IDE: variants seen among roughly 807,000 people sequenced by gnomAD.
The protein encoded by IDE is insulin degrading enzyme.
IDE carries 58 observed loss-of-function variants against 133.2 expected under a neutral mutation model. The observed-to-expected ratio is 0.44, with a 90% CI of 0.35 to 0.54. The LOEUF is 0.54. IDE is among the 20% of genes least tolerant of loss of function. IDE has a pLI of 0.00. For missense variants in IDE, 981 were observed against 1,234.0 expected (o/e 0.79, Z 3.07); for synonymous variants, 396 against 421.3 (o/e 0.94, Z 0.73).
intron 14 of IDE, among the ~76,000 whole-genome samples, chr10:92,482,317 T>C (rs1165149483): frequency 1.3e-5 from 2 of 152,162 alleles, no homozygotes; most frequent in African/African-American, 2.4e-5. Context: ...AAGTAAAATC[T>C]GAAACAGGTG....
At chr10:92,573,877 T>C in intron 1 of IDE, 45 bp downstream of exon 1, 1 of 1,337,892 alleles carries the variant, frequency 7.5e-7, no homozygotes, top group Non-Finnish European at 9.9e-7. Flanking sequence ...GCCAAACCGC[T>C]GTGACCCACG....
intron 13 of IDE, 151 bp from the exon 14 acceptor site, chr10:92,483,488 A>C: frequency 1.7e-6 from 1 of 603,378 alleles, no homozygotes; most frequent in Admixed American, 2.9e-5. Flanking sequence ...CATACTCAAG[A>C]GTCAGCAGGT....
intron 6 of IDE, 130 bp downstream of exon 6, chr10:92,509,920 C>CTA: frequency 2.2e-6 from 1 of 463,732 alleles, no homozygotes; most frequent in South Asian, 2.5e-5. Flanking sequence ...GACTCTGTTT[C>CTA]CAAAAAAAAA....
intron 15 of IDE, among the ~76,000 whole-genome samples, chr10:92,478,996 A>G (rs1846438526): frequency 6.6e-6 from 1 of 152,196 alleles, no homozygotes; most frequent in East Asian, 1.9e-4. Context: ...GGTAAGAGCT[A>G]AACCTAAATC....
intron 17 of IDE, among the ~76,000 whole-genome samples, chr10:92,470,822 C>T (rs2135374780): frequency 6.6e-6 from 1 of 152,324 alleles, no homozygotes; most frequent in Admixed American, 6.5e-5. Context: ...ATGCGCCTTT[C>T]TCACTGCATT....
At chr10:92,547,816 G>A (rs146532315) in intron 1 of IDE, among the ~76,000 whole-genome samples, 112 of 152,262 alleles carry the variant, frequency 7.4e-4, no homozygotes, top group African/African-American at 2.6e-3. Context: ...TCCAGCCCGT[G>A]TTTGGTAATT....
chr10:92,491,737 A>T (rs892823128), intron 11 of IDE, among the ~76,000 whole-genome samples: 2 of 151,968 alleles, frequency 1.3e-5, no homozygotes, highest in East Asian at 3.9e-4. Flanking sequence ...CAGCCTCCCA[A>T]GTAGCTGGGA....
intron 1 of IDE, among the ~76,000 whole-genome samples, chr10:92,571,875 T>C (rs12252447): frequency 0.082 from 12,461 of 152,266 alleles, 1,732 homozygotes; most frequent in African/African-American, 0.28. Context: ...TCCGACTATG[T>C]ACAGTAGGGC....
intron 19 of IDE, 34 bp from the exon 20 acceptor site, chr10:92,465,877 A>G (rs1359974995): frequency 1.2e-5 from 19 of 1,602,926 alleles, no homozygotes; most frequent in Non-Finnish European, 1.5e-5. Flanking sequence ...AGCAAGTTCA[A>G]AAACTTATTT....
Position 92,468,968 on chromosome 10 carries a change from A to T in IDE, c.2231T>A (p.Met744Lys). The part of the protein sequence containing the change: ...TKQAALGIMQ[M>K]VEDTLIEHAH... ...ATGTTCAATGAGGGTGTCTTCAACCATCTGCATAATTCCTAATGCAGCCTA... is the reference window on the plus strand; with the variant it reads ...ATGTTCAATGAGGGTGTCTTCAACCTTCTGCATAATTCCTAATGCAGCCTA... Residue 744 changes from methionine to lysine, a missense_variant, in exon 19 of 25, where the codon ATG becomes AAG. Physicochemically the swap from Met to Lys is moderately conservative, Grantham distance 95 (BLOSUM62 -1). Around this residue, in one of 2 missense-constraint regions of IDE, gnomAD observed 660 missense variants for 894.7 expected, o/e 0.74. Transcript: ENST00000265986. 6.2e-7 allele frequency: 1 copy of T among 1,605,710 alleles called. No homozygotes were observed. The highest frequency in any genetic ancestry group is 1.7e-4 in the Middle Eastern group (1 of 6,046).
chr10:92,573,632 C>A (rs768070364), intron 1 of IDE, among the ~76,000 whole-genome samples: 1 of 152,174 alleles, frequency 6.6e-6, no homozygotes. Flanking sequence ...CGCCCCTGCG[C>A]CCCCCGCACT....
At chr10:92,549,265 A>G (rs993365223) in intron 1 of IDE, among the ~76,000 whole-genome samples, 2 of 152,008 alleles carry the variant, frequency 1.3e-5, no homozygotes, top group African/African-American at 2.4e-5. Context: ...TTAAAAAAAA[A>G]AAAGATTTTG....
intron 13 of IDE, 38 bp downstream of exon 13, chr10:92,487,158 G>T (rs756074229): frequency 6.3e-7 from 1 of 1,590,570 alleles, no homozygotes; most frequent in South Asian, 1.1e-5. Context: ...TATTAGGTCT[G>T]TCCCCCAAAT....
At chr10:92,480,423 T>C (rs1414724090) in intron 14 of IDE, 1 of 152,144 alleles carries the variant, frequency 6.6e-6, no homozygotes, top group Admixed American at 6.5e-5. Context: ...ATTTGACATA[T>C]TAGTTGGTGA....
chr10:92,474,011 C>T (rs1262167906), intron 17 of IDE, among the ~76,000 whole-genome samples: 2 of 151,834 alleles, frequency 1.3e-5, no homozygotes, highest in Non-Finnish European at 2.9e-5. Flanking sequence ...AAAAATCCTT[C>T]AATATTAACA....
At chr10:92,476,036 C>T (rs1175274524) in intron 15 of IDE, 42 bp from the exon 16 acceptor site, 2 of 740,594 alleles carry the variant, frequency 2.7e-6, no homozygotes, top group African/African-American at 1.8e-5. Context: ...AAAAATATCA[C>T]AAAACAACTT....
intron 1 of IDE, chr10:92,573,043 A>G (rs1843865941): frequency 1.8e-5 from 18 of 985,424 alleles, no homozygotes; most frequent in Non-Finnish European, 2.2e-5. Context: ...GCTGGCTATT[A>G]CTGATTAAAA....
At chr10:92,557,822 G>A (rs962715004) in intron 1 of IDE, among the ~76,000 whole-genome samples, 9 of 147,860 alleles carry the variant, frequency 6.1e-5, no homozygotes, top group East Asian at 2.0e-4. Flanking sequence ...CCTGGGAGGC[G>A]GAGGTTGCAG....
In IDE at chr10:92,499,919, A is replaced by G. The variant is rs114126765; in HGVS notation, c.1430+4875T>C. Among the ~76,000 whole-genome samples, 924 of 152,338 alleles carry G rather than the reference A, an allele frequency of 6.1e-3. 10 individuals are homozygous for G. Among genetic ancestry groups the G allele is most frequent in the African/African-American group, 0.021 (865 of 41,564 alleles). On this transcript the variant is annotated intron_variant, in intron 11 of 24. Transcript: ENST00000265986. ...CAAAGGTCAAGTTTCATCATTTTTCATATAGATACGCAGCTAGTAGAACAG... is the reference window on the plus strand; with the variant it reads ...CAAAGGTCAAGTTTCATCATTTTTCGTATAGATACGCAGCTAGTAGAACAG...
Sources: allele counts gnomAD v4.1 joint callset (sites outside exome capture counted in the v4.1 genomes callset), GRCh38; gene constraint gnomAD v4.1.1; regional missense constraint gnomAD v4.1.1; transcripts MANE v1.5; gene names NCBI Gene and HGNC (gene_info 2026-07-23, HGNC 2026-07-21).